Variants in PKP4 observed in about 807,000 individuals in gnomAD.
PKP4 encodes the protein plakophilin-4.
In PKP4, 90 loss-of-function variants were observed where a neutral mutation model predicts 145.1. That is an observed-to-expected ratio of 0.62 (90% CI 0.52 to 0.74). The LOEUF is 0.74. Ranked by LOEUF, PKP4 falls within the 30% of genes least tolerant of loss-of-function variation. The probability of loss-of-function intolerance (pLI) is 0.00; values close to 1 mark genes in which losing one functional copy is unlikely to be tolerated. For missense variants in PKP4, 1,340 were observed against 1,482.7 expected (o/e 0.90, Z 1.58); for synonymous variants, 563 against 577.2 (o/e 0.98, Z 0.35).
At position 158,666,463 on chromosome 2, in the gene PKP4, C is replaced by T. The variant is rs149446613; in HGVS notation, c.2628C>T (p.Ile876=). 6.9e-5 allele frequency: 112 copies of T among 1,612,072 alleles called. 2 individuals carry two copies. In the African/African-American group the frequency reaches 1.4e-3, roughly 20 times the overall value. ...AAVRKEKGLP[I]LVELLRMDND... ...TCCGAAAAGAAAAGGGGCTCCCCAT[C>T]CTTGTGGAGCTTCTGAGAATGGATA... The change falls in exon 16 of 22, where the codon ATC becomes ATT. Residue 876 remains isoleucine, a synonymous_variant. Coordinates refer to ENST00000389759, the MANE Select transcript of PKP4 (RefSeq NM_003628.6).
At chr2:158,465,390 T>G (rs1194854775) in intron 1 of PKP4, among the ~76,000 whole-genome samples, 2 of 152,212 alleles carry the variant, frequency 1.3e-5, no homozygotes, top group Admixed American at 1.3e-4. Context: ...AATCATGAAC[T>G]TGATTATTTT....
intron 4 of PKP4, among the ~76,000 whole-genome samples, chr2:158,612,038 G>A (rs942863694): frequency 2.0e-5 from 3 of 150,564 alleles, no homozygotes; most frequent in African/African-American, 7.3e-5. Context: ...AAACAGCCTG[G>A]AAGAATCTGA....
intron 4 of PKP4, among the ~76,000 whole-genome samples, chr2:158,609,777 T>G (rs1273421072): frequency 6.6e-6 from 1 of 152,120 alleles, no homozygotes; most frequent in Non-Finnish European, 1.5e-5. Context: ...GCAGAAGAGA[T>G]TTTCATTTCA....
intron 1 of PKP4, among the ~76,000 whole-genome samples, chr2:158,471,046 C>A (rs1350623858): frequency 6.6e-6 from 1 of 152,146 alleles, no homozygotes; most frequent in East Asian, 1.9e-4. Context: ...CCCCTTCACC[C>A]CAGCCACCAA....
In PKP4 at chr2:158,621,052, C is replaced by A. The variant is rs878993595; in HGVS notation, c.343C>A (p.Leu115Ile). 6.2e-7 allele frequency: 1 copy of A among 1,613,850 alleles called. No individual in the cohort carries two copies. Among genetic ancestry groups the A allele is most frequent in the African/African-American group, 1.3e-5 (1 of 74,916 alleles). ...VSDAVQPNNY[L>I]IRTEPEQGTL... is the part of the protein sequence containing the mutation. ...TGACGCTGTCCAGCCCAACAACTATCTCATCAGGACAGAGCCAGAACAAGG... is the reference window on the plus strand; with the variant it reads ...TGACGCTGTCCAGCCCAACAACTATATCATCAGGACAGAGCCAGAACAAGG... The change falls in exon 5 of 22, where the codon CTC (leucine) becomes ATC (isoleucine). Residue 115 changes from leucine to isoleucine, a missense_variant. Coordinates refer to ENST00000389759, the MANE Select transcript of PKP4 (RefSeq NM_003628.6).
chr2:158,654,599 C>T (rs912323685), intron 11 of PKP4, among the ~76,000 whole-genome samples: 1 of 152,130 alleles, frequency 6.6e-6, no homozygotes, highest in African/African-American at 2.4e-5. Context: ...ACTGGATTCT[C>T]CTATCCCCGT....
chr2:158,586,436 A>G (rs1413592353), intron 3 of PKP4, among the ~76,000 whole-genome samples: 1 of 152,112 alleles, frequency 6.6e-6, no homozygotes, highest in East Asian at 1.9e-4. Context: ...ATTTAGTTTT[A>G]ATTTTTTAGT....
chr2:158,671,093 A>G (rs1298353651), intron 17 of PKP4, among the ~76,000 whole-genome samples: 1 of 152,088 alleles, frequency 6.6e-6, no homozygotes, highest in Non-Finnish European at 1.5e-5. Flanking sequence ...TCCATTGCAG[A>G]GATTTTTATT....
chr2:158,577,571 T>C (rs1429440974), intron 3 of PKP4, among the ~76,000 whole-genome samples, 188 bp downstream of exon 3: 1 of 152,218 alleles, frequency 6.6e-6, no homozygotes, highest in Non-Finnish European at 1.5e-5. Context: ...GTGCTTGAAA[T>C]GTTTTCTATA....
intron 3 of PKP4, among the ~76,000 whole-genome samples, chr2:158,586,067 T>C (rs980724740): frequency 1.3e-5 from 2 of 152,198 alleles, no homozygotes; most frequent in Admixed American, 6.5e-5. Context: ...GCATGAAATT[T>C]TCAAGGTTCC....
intron 3 of PKP4, chr2:158,588,344 C>T (rs2048979980): frequency 1.3e-5 from 2 of 152,114 alleles, no homozygotes; most frequent in South Asian, 4.1e-4. Flanking sequence ...TTCTTTCTTT[C>T]TGCCAATATT....
chr2:158,563,714 CTT>C (rs70994213), intron 2 of PKP4, among the ~76,000 whole-genome samples: 1 of 151,332 alleles, frequency 6.6e-6, no homozygotes, highest in Non-Finnish European at 1.5e-5. Context: ...TAATATTTAC[CTT>C]TTTTTTTGGT....
chr2:158,656,401 A>C (rs141068588), intron 11 of PKP4, among the ~76,000 whole-genome samples: 1 of 152,318 alleles, frequency 6.6e-6, no homozygotes, highest in African/African-American at 2.4e-5. Context: ...CAAGATAATT[A>C]TATAAGCAAA....
At chr2:158,633,333 A>C (rs1026070354) in intron 8 of PKP4, among the ~76,000 whole-genome samples, 2 of 152,264 alleles carry the variant, frequency 1.3e-5, no homozygotes, top group Admixed American at 1.3e-4. Context: ...AATTAAGTAA[A>C]ATAAGGGTTG....
intron 1 of PKP4, among the ~76,000 whole-genome samples, chr2:158,520,637 A>G (rs1352776327): frequency 1.3e-5 from 2 of 152,242 alleles, no homozygotes; most frequent in South Asian, 2.1e-4. Context: ...AAGCAAGCAC[A>G]TCTATGTAAG....
intron 3 of PKP4, among the ~76,000 whole-genome samples, chr2:158,600,784 C>A (rs1449489051): frequency 6.6e-6 from 1 of 152,058 alleles, no homozygotes; most frequent in Non-Finnish European, 1.5e-5. Flanking sequence ...TACCATGGAA[C>A]TATTTATTTA....
In PKP4 at chr2:158,617,092, CTT is replaced by C. The variant is rs551343320; in HGVS notation, c.281-3894_281-3893del. ...TATTTTCTATAGATGCAATGTAACACTTTTTCTAATTACATAGTTTTAAATAT... is the reference window on the plus strand; with the variant it reads ...TATTTTCTATAGATGCAATGTAACACTTTCTAATTACATAGTTTTAAATAT... On this transcript the variant is annotated intron_variant, in intron 4 of 21. Coordinates refer to ENST00000389759, the MANE Select transcript of PKP4 (RefSeq NM_003628.6). 1.9e-3 allele frequency among the ~76,000 whole-genome samples: 285 copies of C among 152,236 alleles called. 2 individuals carry two copies. Among genetic ancestry groups the C allele is most frequent in the African/African-American group, 6.5e-3 (272 of 41,536 alleles).
At chr2:158,671,031 C>T (rs1268246090) in intron 17 of PKP4, among the ~76,000 whole-genome samples, 3 of 152,144 alleles carry the variant, frequency 2.0e-5, no homozygotes, top group Non-Finnish European at 2.9e-5. Context: ...CTCTCCATAG[C>T]GCTGATTTCC....
At chr2:158,587,520 T>G (rs2048901179) in intron 3 of PKP4, among the ~76,000 whole-genome samples, 3 of 152,044 alleles carry the variant, frequency 2.0e-5, no homozygotes. Flanking sequence ...CTTGAACAGA[T>G]TTGCCTTCGC....
Sources: allele counts gnomAD v4.1 joint callset (sites outside exome capture counted in the v4.1 genomes callset), GRCh38; gene constraint gnomAD v4.1.1; transcripts MANE v1.5; gene names NCBI Gene and HGNC (gene_info 2026-07-23, HGNC 2026-07-21).